Variants in GPR176 observed in about 807,000 individuals in gnomAD.
GPR176 encodes G-protein coupled receptor 176.
A neutral mutation model predicts 35.4 loss-of-function variants in GPR176; 26 were observed. The ratio of observed to expected loss-of-function variants is 0.74; its 90% CI spans 0.54 to 1.02. GPR176 has a LOEUF of 1.02. Among genes scored for constraint, GPR176 ranks in the 50% least tolerant of loss-of-function variants. The pLI is 0.00. For synonymous variants in GPR176, 278 were observed against 271.3 expected (o/e 1.02, Z -0.24); for missense variants, 597 against 665.3 (o/e 0.90, Z 1.13).
At chr15:39,836,338 C>T (rs1318109273) in intron 1 of GPR176, among the ~76,000 whole-genome samples, 1 of 152,086 alleles carries the variant, frequency 6.6e-6, no homozygotes, top group Non-Finnish European at 1.5e-5. Context: ...GTACCTTCCC[C>T]TGAGTTCATA....
intron 1 of GPR176, among the ~76,000 whole-genome samples, chr15:39,891,170 C>G (rs2032857483): frequency 6.6e-6 from 1 of 152,026 alleles, no homozygotes; most frequent in African/African-American, 2.4e-5. Context: ...CAATAAATAA[C>G]AAAAACTTCT....
intron 1 of GPR176, among the ~76,000 whole-genome samples, chr15:39,913,355 G>C (rs1051173055): frequency 6.6e-6 from 1 of 151,988 alleles, no homozygotes; most frequent in Non-Finnish European, 1.5e-5. Context: ...GACCAGCCTG[G>C]GCAATGTGGC....
At chr15:39,832,169 A>G (rs1480582616) in intron 1 of GPR176, among the ~76,000 whole-genome samples, 3 of 152,144 alleles carry the variant, frequency 2.0e-5, no homozygotes, top group African/African-American at 7.2e-5. Flanking sequence ...ACAATGATAA[A>G]CCACTTCACA....
In GPR176 at chr15:39,863,059, C is replaced by CT. The variant is rs1228810772; in HGVS notation, c.173-55802dup. The stretch of plus-strand genomic sequence containing the variant: ...TGTGTGTGTTTATGTCTTAGTTTTT[C>CT]TTTTTTTTTTTTTTCTTTTTTTGAG... On this transcript the variant is annotated intron_variant, in intron 1 of 2. Coordinates refer to ENST00000561100, the MANE Select transcript of GPR176 (RefSeq NM_007223.3). 4.0e-3 allele frequency among the ~76,000 whole-genome samples: 563 copies of CT among 141,610 alleles called. 2 individuals carry two copies. Among genetic ancestry groups the CT allele is most frequent in the African/African-American group, 5.5e-3 (216 of 39,336 alleles). 92.9% of individuals were successfully genotyped at this position (141,610 alleles called of 152,430 possible).
chr15:39,871,195 G>A (rs2032029064), intron 1 of GPR176, among the ~76,000 whole-genome samples: 1 of 152,200 alleles, frequency 6.6e-6, no homozygotes, highest in Non-Finnish European at 1.5e-5. Context: ...GAAATTATAT[G>A]AAAATTTTAG....
At chr15:39,824,117 C>G (rs971091387) in intron 1 of GPR176, among the ~76,000 whole-genome samples, 9 of 152,288 alleles carry the variant, frequency 5.9e-5, no homozygotes, top group Non-Finnish European at 1.2e-4. Flanking sequence ...TTTAAAAGAG[C>G]CTGGCACTTC....
chr15:39,865,190 C>T (rs200422767), intron 1 of GPR176, among the ~76,000 whole-genome samples: 2 of 152,074 alleles, frequency 1.3e-5, no homozygotes, highest in Non-Finnish European at 2.9e-5. Context: ...CCAGCAATCC[C>T]CCTACTAGGT....
At position 39,817,686 on chromosome 15, in the gene GPR176, A is replaced by AAGAGTAAGAGAG. The variant is rs531688726; in HGVS notation, c.173-10440_173-10429dup. On this transcript the variant is annotated intron_variant, in intron 1 of 2. Coordinates refer to ENST00000561100, the MANE Select transcript of GPR176 (RefSeq NM_007223.3). The stretch of plus-strand genomic sequence containing the variant: ...AGCAAAACCTCCAAAGAGAATTAGA[A>AAGAGTAAGAGAG]AGAGTAAGAGAGAGAGCAAGAGAGA... Among the ~76,000 whole-genome samples, 435 of 152,354 alleles carry AAGAGTAAGAGAG rather than the reference A, an allele frequency of 2.9e-3. 3 individuals are homozygous for AAGAGTAAGAGAG. The highest frequency in any genetic ancestry group is 9.9e-3 in the African/African-American group (413 of 41,588).
chr15:39,848,890 A>T (rs565535364), intron 1 of GPR176, among the ~76,000 whole-genome samples: 24 of 150,412 alleles, frequency 1.6e-4, no homozygotes, highest in Non-Finnish European at 2.4e-4. Flanking sequence ...TAAGCTCCCA[A>T]CTCAAAAACC....
intron 1 of GPR176, among the ~76,000 whole-genome samples, chr15:39,904,372 AAGATATAAT>A (rs1297751689): frequency 2.0e-5 from 3 of 152,232 alleles, no homozygotes; most frequent in African/African-American, 7.2e-5. Flanking sequence ...CCAAGGCATC[AAGATATAAT>A]AGATATAAAG....
At chr15:39,918,017 C>T (rs533240331) in intron 1 of GPR176, among the ~76,000 whole-genome samples, 14 of 147,642 alleles carry the variant, frequency 9.5e-5, no homozygotes, top group African/African-American at 3.5e-4. Flanking sequence ...TGCACTCCAG[C>T]CTGGGCAACA....
chr15:39,904,449 C>T (rs1042372804), intron 1 of GPR176, among the ~76,000 whole-genome samples: 1 of 152,064 alleles, frequency 6.6e-6, no homozygotes, highest in African/African-American at 2.4e-5. Flanking sequence ...GTATAAGACT[C>T]AAACCTTCAC....
intron 2 of GPR176, among the ~76,000 whole-genome samples, chr15:39,804,933 G>A (rs1032732480): frequency 1.3e-5 from 2 of 152,152 alleles, no homozygotes; most frequent in African/African-American, 2.4e-5. Flanking sequence ...TATGGTCTGG[G>A]GATGGGCACA....
chr15:39,839,274 G>A (rs1901597998), intron 1 of GPR176, among the ~76,000 whole-genome samples: 2 of 152,110 alleles, frequency 1.3e-5, no homozygotes, highest in African/African-American at 4.8e-5. Flanking sequence ...CTTGGTACTG[G>A]TACCAAAACA....
chr15:39,833,011 A>G (rs1182049064), intron 1 of GPR176, among the ~76,000 whole-genome samples: 1 of 152,188 alleles, frequency 6.6e-6, no homozygotes, highest in Non-Finnish European at 1.5e-5. Flanking sequence ...TCATCTGCAC[A>G]CTTAACTTCA....
intron 1 of GPR176, among the ~76,000 whole-genome samples, chr15:39,812,131 A>G (rs1045513479): frequency 2.0e-5 from 3 of 152,238 alleles, no homozygotes; most frequent in African/African-American, 4.8e-5. Flanking sequence ...ACTGCTTCAC[A>G]TGTAATATAA....
rs553083476 is a variant in GPR176 at position 39,851,788 on chromosome 15, GCA to G, written c.173-44532_173-44531del. 5.0e-3 allele frequency among the ~76,000 whole-genome samples: 754 copies of G among 152,226 alleles called. 4 individuals carry two copies. The highest frequency in any genetic ancestry group is 0.017 in the African/African-American group (703 of 41,548). On this transcript the variant is annotated intron_variant, in intron 1 of 2. Transcript: ENST00000561100. ...ACTTTTTTTCCCAACATATATTTTA[GCA>G]CATGAAGAATTTGTTGCCATTTCCA...
chr15:39,853,922 T>G (rs1365653280), intron 1 of GPR176, among the ~76,000 whole-genome samples: 1 of 152,268 alleles, frequency 6.6e-6, no homozygotes, highest in East Asian at 1.9e-4. Context: ...CTTACAATTA[T>G]CATCATCATA....
In GPR176 at chr15:39,800,794, T is replaced by C. The variant is rs1191183260; in HGVS notation, c.*338A>G. 1.7e-5 allele frequency: 4 copies of C among 232,510 alleles called. No homozygotes were observed. Among genetic ancestry groups the C allele is most frequent in the Non-Finnish European group, 3.4e-5 (4 of 118,356 alleles). 14.4% of individuals were successfully genotyped at this position (232,510 alleles called of 1,614,324 possible). ...CTCTGAAAGTCTTCTCTCTGTGTGT[T>C]CTCTGCAGAGCCCAGGGAAGTGAGG... On this transcript the variant is annotated 3_prime_UTR_variant, in exon 3 of 3. Transcript: ENST00000561100.
Sources: gnomAD v4.1 joint callset for allele counts (sites outside exome capture counted in the v4.1 genomes callset) on GRCh38, gnomAD v4.1.1 for gene constraint, MANE v1.5 for transcripts, NCBI Gene and HGNC (gene_info 2026-07-23, HGNC 2026-07-21) for gene names.